The following FARP1 variants were observed in gnomAD, a reference collection of about 807,000 sequenced individuals.
FARP1 encodes FERM, ARHGEF and pleckstrin domain-containing protein 1.
FARP1 carries 52 observed loss-of-function variants against 128.8 expected under a neutral mutation model. The observed-to-expected ratio is 0.40, with a 90% CI of 0.32 to 0.51. The LOEUF (loss-of-function observed/expected upper bound fraction) is 0.51, where lower values mean the gene tolerates loss of function less well. FARP1 is among the 20% of genes least tolerant of loss of function. The pLI is 0.45. For synonymous variants in FARP1, 580 were observed against 551.8 expected (o/e 1.05, Z -0.72); for missense variants, 1,333 against 1,367.9 (o/e 0.97, Z 0.40).
chr13:98,384,077 G>A (rs1390698271), intron 6 of FARP1: 3 of 151,994 alleles, frequency 2.0e-5, no homozygotes, highest in African/African-American at 7.3e-5. Context: ...GAGGTCATAC[G>A]GTTGTCACCC....
At chr13:98,448,005 CACTGCAGCAAGGT>C (rs1892962114) in intron 26 of FARP1, 1 of 572,732 alleles carries the variant, frequency 1.7e-6, no homozygotes, top group East Asian at 3.0e-5. Flanking sequence ...CGGGCAGTGT[CACTGCAGCAAGGT>C]ACTTCCAGCT....
chr13:98,148,242 G>A (rs1055470780), intron 1 of FARP1, among the ~76,000 whole-genome samples: 31 of 152,204 alleles, frequency 2.0e-4, no homozygotes, highest in Non-Finnish European at 3.5e-4. Flanking sequence ...GCCAGGCGTG[G>A]TGGCGCGTGA....
chr13:98,341,819 T>C (rs576842271), intron 2 of FARP1, among the ~76,000 whole-genome samples: 1 of 152,300 alleles, frequency 6.6e-6, no homozygotes, highest in East Asian at 1.9e-4. Context: ...GGGTAGAACG[T>C]GGGTTCTTAT....
chr13:98,274,813 G>C (rs1476412684), intron 2 of FARP1, among the ~76,000 whole-genome samples: 1 of 152,154 alleles, frequency 6.6e-6, no homozygotes, highest in African/African-American at 2.4e-5. Flanking sequence ...GCTGGTACCA[G>C]TATCCTTCAA....
rs1399215070 is a variant in FARP1, at chr13:98,448,952, G to A, written c.*635G>A. ...ACCTGTTCCCAACCTACTTCTTGGT[G>A]CAAGTTGACCAAATCGTTTTAAGTG... On this transcript the variant is annotated 3_prime_UTR_variant, in exon 27 of 27. Transcript: ENST00000319562. 1 of 152,206 alleles carries A rather than the reference G, an allele frequency of 6.6e-6. No individual in the cohort carries two copies. Among genetic ancestry groups the A allele is most frequent in the Non-Finnish European group, 1.5e-5 (1 of 68,060 alleles). 9.4% of individuals were successfully genotyped at this position (152,206 alleles called of 1,614,324 possible).
At chr13:98,293,265 T>C (rs1594367456) in intron 2 of FARP1, among the ~76,000 whole-genome samples, 1 of 152,136 alleles carries the variant, frequency 6.6e-6, no homozygotes, top group South Asian at 2.1e-4. Flanking sequence ...TGGATAAATA[T>C]TTACCAAGCT....
chr13:98,317,986 CCT>C (rs1491576823), intron 2 of FARP1, among the ~76,000 whole-genome samples: 10 of 146,048 alleles, frequency 6.8e-5, no homozygotes, highest in African/African-American at 1.3e-4. Context: ...CTCTCTCCTT[CCT>C]CTTCCTCATC....
chr13:98,289,760 A>G (rs1157518961), intron 2 of FARP1, among the ~76,000 whole-genome samples: 1 of 152,098 alleles, frequency 6.6e-6, no homozygotes, highest in Non-Finnish European at 1.5e-5. Context: ...TAAGTCACTT[A>G]GTGTAATCCC....
chr13:98,317,815 C>T (rs1012850368), intron 2 of FARP1, among the ~76,000 whole-genome samples: 30 of 152,084 alleles, frequency 2.0e-4, no homozygotes, highest in East Asian at 9.7e-4. Context: ...TGCAGAGGGC[C>T]GCCTCCTTGT....
At chr13:98,407,411 TTC>T (rs1451732853) in intron 13 of FARP1, 3 of 152,108 alleles carry the variant, frequency 2.0e-5, no homozygotes, top group African/African-American at 4.8e-5. Context: ...TTGTCACCAT[TTC>T]TGTTTGACAC....
intron 3 of FARP1, among the ~76,000 whole-genome samples, chr13:98,346,205 T>TTTTTG (rs1476534166): frequency 6.0e-5 from 9 of 149,770 alleles, no homozygotes; most frequent in Non-Finnish European, 1.3e-4. Flanking sequence ...TTTTTTTTTT[T>TTTTTG]TTGAGAAGGT....
chr13:98,219,498 G>A (rs1245099480), intron 2 of FARP1, among the ~76,000 whole-genome samples: 1 of 151,788 alleles, frequency 6.6e-6, no homozygotes, highest in South Asian at 2.1e-4. Context: ...ACCACACCGG[G>A]CTAATTTATT....
intron 2 of FARP1, among the ~76,000 whole-genome samples, chr13:98,307,891 A>T: frequency 6.6e-6 from 1 of 152,130 alleles, no homozygotes; most frequent in East Asian, 1.9e-4. Context: ...TTGCTGGATA[A>T]AGTTCTTAGT....
intron 2 of FARP1, among the ~76,000 whole-genome samples, chr13:98,281,512 T>G (rs190735030): frequency 9.2e-5 from 14 of 152,340 alleles, no homozygotes; most frequent in Non-Finnish European, 1.8e-4. Context: ...ATTGCCCTCC[T>G]GTCAGGGAAT....
intron 1 of FARP1, among the ~76,000 whole-genome samples, chr13:98,154,088 C>T (rs904482507): frequency 1.3e-5 from 2 of 152,180 alleles, no homozygotes; most frequent in African/African-American, 4.8e-5. Context: ...AGCCTAATGT[C>T]TTTGTGATTC....
At chr13:98,292,070 CAGG>C (rs1334878624) in intron 2 of FARP1, among the ~76,000 whole-genome samples, 1 of 152,202 alleles carries the variant, frequency 6.6e-6, no homozygotes, top group African/African-American at 2.4e-5. Flanking sequence ...TCTTCCTCTG[CAGG>C]AGTTTTTCTG....
chr13:98,446,216 C>T lies in FARP1; in HGVS notation c.2904+11C>T, dbSNP rs2274054. 0.77 allele frequency: 1,232,224 copies of T among 1,593,296 alleles called. 487,323 individuals carry two copies. Among genetic ancestry groups the T allele is most frequent in the Non-Finnish European group, 0.83 (959,481 of 1,162,006 alleles). On this transcript the variant is annotated intron_variant, in intron 25 of 26. Coordinates refer to ENST00000319562, the MANE Select transcript of FARP1 (RefSeq NM_005766.4). ...TACAAATCACACCAGGTAAGTGTCT[C>T]GCACAGGGCAGGTGGCCCTGGGACC...
At chr13:98,253,108 C>T (rs568154156) in intron 2 of FARP1, among the ~76,000 whole-genome samples, 52 of 152,176 alleles carry the variant, frequency 3.4e-4, no homozygotes, top group Non-Finnish European at 3.7e-4. Flanking sequence ...ATTTAGTCTG[C>T]GACGAAAGCA....
intron 2 of FARP1, among the ~76,000 whole-genome samples, chr13:98,231,199 G>A (rs1467805584): frequency 6.6e-6 from 1 of 152,074 alleles, no homozygotes; most frequent in African/African-American, 2.4e-5. Context: ...ACAAGCCTGG[G>A]TGCAAGGATA....
Sources: gnomAD v4.1 joint callset for allele counts (sites outside exome capture counted in the v4.1 genomes callset) on GRCh38, gnomAD v4.1.1 for gene constraint, MANE v1.5 for transcripts, NCBI Gene and HGNC (gene_info 2026-07-23, HGNC 2026-07-21) for gene names.